The following NACC2 variants were observed in gnomAD, a reference collection of about 807,000 sequenced individuals.
NACC2 encodes nucleus accumbens-associated protein 2.
In NACC2, 8 loss-of-function variants were observed where a neutral mutation model predicts 25.1. The observed-to-expected ratio is 0.32, with a 90% CI of 0.19 to 0.57. The LOEUF (loss-of-function observed/expected upper bound fraction) is 0.57, where lower values mean the gene tolerates loss of function less well. Ranked by LOEUF, NACC2 falls within the 20% of genes least tolerant of loss-of-function variation. The pLI, the probability that NACC2 is intolerant of heterozygous loss-of-function variation, is 0.89. For synonymous variants in NACC2, 435 were observed against 294.7 expected, an observed-to-expected ratio of 1.48 and a Z score of -4.88; for missense variants, 644 against 650.2, an observed-to-expected ratio of 0.99 and a Z score of 0.10.
In NACC2 at chr9:136,093,792, G is replaced by A. The variant is rs944722827; in HGVS notation, c.-60+1397C>T. On this transcript the variant is annotated intron_variant, in intron 1 of 5. Coordinates refer to ENST00000277554, the MANE Select transcript of NACC2 (RefSeq NM_144653.5). ...AGGGGTGCTCCAACGGTGGCCGGGAGAAGAAGGGGTGGGTGGCTGAGAGGT... is the reference window on the plus strand; with the variant it reads ...AGGGGTGCTCCAACGGTGGCCGGGAAAAGAAGGGGTGGGTGGCTGAGAGGT... Among the ~76,000 whole-genome samples, 5 of 129,996 alleles carry A rather than the reference G, an allele frequency of 3.8e-5. 1 individual carries two copies. The East Asian group carries it at 1.3e-3, about 34-fold the overall frequency. The allele number at this position is 129,996 out of a possible 152,430, so 85.3% of individuals were successfully genotyped here. A position where few individuals can be genotyped will look rare whatever the true frequency, so the allele number is the denominator to read the frequency against.
chr9:136,078,487 C>T lies in NACC2; in HGVS notation c.-60+16702G>A, dbSNP rs145877082. 1.9e-3 allele frequency among the ~76,000 whole-genome samples: 289 copies of T among 152,320 alleles called. 2 individuals carry two copies. Among genetic ancestry groups the T allele is most frequent in the African/African-American group, 5.8e-3 (243 of 41,574 alleles). ...CCTTAAAGTAAGCGCAGGAGAAATACCATTACCCTACTGTACAGATGAGAA... is the reference window on the plus strand; with the variant it reads ...CCTTAAAGTAAGCGCAGGAGAAATATCATTACCCTACTGTACAGATGAGAA... On this transcript the variant is annotated intron_variant, in intron 1 of 5. Transcript: ENST00000277554.
intron 1 of NACC2, among the ~76,000 whole-genome samples, chr9:136,051,895 A>AGGAGGAGGAGATGGT (rs1840848211): frequency 1.7e-5 from 2 of 119,082 alleles, no homozygotes; most frequent in African/African-American, 6.9e-5. Flanking sequence ...GAGGAGGAGG[A>AGGAGGAGGAGATGGT]GGAGGAGGAG....
intron 2 of NACC2, among the ~76,000 whole-genome samples, chr9:136,021,702 G>A (rs567454329): frequency 5.9e-5 from 9 of 152,334 alleles, no homozygotes; most frequent in African/African-American, 1.7e-4. Context: ...GACGCAGCCC[G>A]GATGTCCTGC....
chr9:136,008,697 C>G lies in NACC2; in HGVS notation c.*2819G>C, dbSNP rs1184076120. On this transcript the variant is annotated 3_prime_UTR_variant, in exon 6 of 6. Coordinates refer to ENST00000277554, the MANE Select transcript of NACC2 (RefSeq NM_144653.5). ...GATGCTAAGGCACTCTGGAAGGCCC[C>G]TCTGAGCCCGGGCCGCCGCCCCCGC... is the stretch of plus-strand genomic sequence containing the variant. The G allele has an allele frequency of 3.3e-5, 5 of 152,454 alleles. No individual in the cohort carries two copies. The East Asian group carries it at 9.6e-4, about 29-fold the overall frequency. The allele number at this position is 152,454 out of a possible 1,614,324, so 9.4% of individuals were successfully genotyped here. A position where few individuals can be genotyped will look rare whatever the true frequency, so the allele number is the denominator to read the frequency against.
rs1459919624 is a variant in NACC2 at position 136,022,876 on chromosome 9, G to A, written c.887-6447C>T. ...AATCATGCCACGCCATAACTGGGAA[G>A]GCAAACCATCACCAATTACCACGCC... On this transcript the variant is annotated intron_variant, in intron 2 of 5. Coordinates refer to ENST00000277554, the MANE Select transcript of NACC2 (RefSeq NM_144653.5). This position sits in a 1 kb window ranked among gnomAD's most constrained non-coding sequence, Gnocchi z 4.4. 6.7e-6 allele frequency among the ~76,000 whole-genome samples: 1 copy of A among 150,238 alleles called. No individual in the cohort carries two copies. The highest frequency in any genetic ancestry group is 2.5e-5 in the African/African-American group (1 of 40,510).
intron 2 of NACC2, among the ~76,000 whole-genome samples, chr9:136,038,952 A>G (rs1474247928): frequency 6.6e-6 from 1 of 152,252 alleles, no homozygotes; most frequent in Non-Finnish European, 1.5e-5. Context: ...ATGAACAAAT[A>G]GCAAGATGGT....
chr9:136,090,150 C>A (rs1197578877), intron 1 of NACC2, among the ~76,000 whole-genome samples: 5 of 152,260 alleles, frequency 3.3e-5, no homozygotes, highest in Admixed American at 2.0e-4. Flanking sequence ...GGTACTTCCC[C>A]TTTCTTGGCA....
chr9:136,051,123 G>A (rs1257014841), intron 1 of NACC2, among the ~76,000 whole-genome samples: 11 of 152,200 alleles, frequency 7.2e-5, no homozygotes, highest in African/African-American at 2.4e-4. Context: ...GGGCCCCTGC[G>A]GGGAAGGCGG....
At chr9:136,080,604 C>T (rs1421026850) in intron 1 of NACC2, among the ~76,000 whole-genome samples, 1 of 152,106 alleles carries the variant, frequency 6.6e-6, no homozygotes, top group Non-Finnish European at 1.5e-5. Flanking sequence ...AACTCCAACG[C>T]TACTGCCAGC....
intron 1 of NACC2, among the ~76,000 whole-genome samples, chr9:136,087,151 T>C (rs1830387612): frequency 6.6e-6 from 1 of 152,156 alleles, no homozygotes; most frequent in South Asian, 2.1e-4. Flanking sequence ...CCCAGGACAG[T>C]GGCAGCCTTG....
Position 136,020,199 on chromosome 9 carries a change from C to T in NACC2, c.887-3770G>A, listed in dbSNP as rs747937655. 2.0e-5 allele frequency among the ~76,000 whole-genome samples: 3 copies of T among 152,174 alleles called. No individual in the cohort carries two copies. The highest frequency in any genetic ancestry group is 2.1e-4 in the South Asian group (1 of 4,832). ...ACAACGCTCAGAAAGAACAAATGAACGAACGTCAGAAGGAGGGGGCCATGC... is the reference window on the plus strand; with the variant it reads ...ACAACGCTCAGAAAGAACAAATGAATGAACGTCAGAAGGAGGGGGCCATGC... On this transcript the variant is annotated intron_variant, in intron 2 of 5. Transcript: ENST00000277554. The surrounding 1 kb of genome is among the most constrained non-coding windows in gnomAD (Gnocchi z 4.7).
At chr9:136,031,709 G>A (rs1190916683) in intron 2 of NACC2, among the ~76,000 whole-genome samples, 3 of 152,122 alleles carry the variant, frequency 2.0e-5, no homozygotes, top group East Asian at 3.8e-4. Context: ...AAAATTAGAG[G>A]GCAATCTCTC....
rs969208055 is a variant in NACC2, at chr9:136,044,402, C to T, written c.886+5234G>A. Among the ~76,000 whole-genome samples, 5 of 152,172 alleles carry T rather than the reference C, an allele frequency of 3.3e-5. No individual in the cohort carries two copies. In the East Asian group the frequency reaches 7.7e-4, roughly 23 times the overall value. ...TAGCGGCACATGACTGTGGTCTCGG[C>T]TCCTCGGAAGGCCTGAGTTGCAGGG... On this transcript the variant is annotated intron_variant, in intron 2 of 5. Transcript: ENST00000277554.
chr9:136,037,761 G>A (rs1462364446), intron 2 of NACC2, among the ~76,000 whole-genome samples: 1 of 151,806 alleles, frequency 6.6e-6, no homozygotes, highest in Non-Finnish European at 1.5e-5. Flanking sequence ...CTCCCACCTC[G>A]GCTTCCCAAA....
chr9:136,077,095 G>A (rs566446968), intron 1 of NACC2, among the ~76,000 whole-genome samples: 4 of 151,902 alleles, frequency 2.6e-5, no homozygotes, highest in East Asian at 1.9e-4. Flanking sequence ...CAGGAGAATC[G>A]CTTGAACCCG....
rs1179965441 is a variant in NACC2, at chr9:136,007,860, G to C, written c.*3656C>G. ...GGGGGGACTGGGCCAGCGCTTAACA[G>C]TTTCAGCTGTCGAATGAGGACAGGT... On this transcript the variant is annotated 3_prime_UTR_variant, in exon 6 of 6. Transcript: ENST00000277554. 2 of 152,278 alleles carry C rather than the reference G, an allele frequency of 1.3e-5. No homozygotes were observed. The highest frequency in any genetic ancestry group is 4.8e-5 in the African/African-American group (2 of 41,450). 9.4% of individuals were successfully genotyped at this position (152,278 alleles called of 1,614,324 possible). A position where few individuals can be genotyped will look rare whatever the true frequency, so the allele number is the denominator to read the frequency against.
chr9:136,050,794 C>A (rs1448394904), intron 1 of NACC2, among the ~76,000 whole-genome samples: 1 of 152,204 alleles, frequency 6.6e-6, no homozygotes, highest in African/African-American at 2.4e-5. Context: ...CCGGCCAGCA[C>A]TGCTGCAGAT....
In NACC2 at chr9:136,051,932, G is replaced by A. The variant is rs1362917806; in HGVS notation, c.-59-1352C>T. On this transcript the variant is annotated intron_variant, in intron 1 of 5. Transcript: ENST00000277554. ...AGGAGATGGTGGAGGAGGAGGAGGAGGAGGAGGGCAGAGCGCCTGGGCGCT... is the reference window on the plus strand; with the variant it reads ...AGGAGATGGTGGAGGAGGAGGAGGAAGAGGAGGGCAGAGCGCCTGGGCGCT... Among the ~76,000 whole-genome samples, 65 of 152,178 alleles carry A rather than the reference G, an allele frequency of 4.3e-4. 1 individual carries two copies. The highest frequency in any genetic ancestry group is 1.5e-5 in the Non-Finnish European group (1 of 67,958).
chr9:136,062,114 A>AGACAGGACAGGACAG lies in NACC2; in HGVS notation c.-59-11549_-59-11535dup, dbSNP rs10597829. Among the ~76,000 whole-genome samples, 797 of 142,522 alleles carry AGACAGGACAGGACAG rather than the reference A, an allele frequency of 5.6e-3. 12 individuals carry two copies. Among genetic ancestry groups the AGACAGGACAGGACAG allele is most frequent in the African/African-American group, 0.014 (534 of 37,384 alleles). 93.5% of individuals were successfully genotyped at this position (142,522 alleles called of 152,430 possible). Reference sequence around the variant, plus strand: ...GTACTCCAGCCTGGGCAACAGAGCGAGACAGGACAGGACAGGACAGGACAG... The same window carrying AGACAGGACAGGACAG: ...GTACTCCAGCCTGGGCAACAGAGCGAGACAGGACAGGACAGGACAGGACAGGACAGGACAGGACAG... On this transcript the variant is annotated intron_variant, in intron 1 of 5. Coordinates refer to ENST00000277554, the MANE Select transcript of NACC2 (RefSeq NM_144653.5).
Sources: gnomAD v4.1 joint callset for allele counts (sites outside exome capture counted in the v4.1 genomes callset) on GRCh38, gnomAD v4.1.1 for gene constraint, Gnocchi (gnomAD v3.1) non-coding constraint, MANE v1.5 for transcripts, NCBI Gene and HGNC (gene_info 2026-07-23, HGNC 2026-07-21) for gene names.